The following DYNC2LI1 variants were observed in gnomAD, a reference collection of about 807,000 sequenced individuals.
DYNC2LI1 encodes the protein dynein cytoplasmic 2 light intermediate chain 1, also known as cytoplasmic dynein 2 light intermediate chain 1.
A neutral mutation model predicts 51.9 loss-of-function variants in DYNC2LI1; 45 were observed. The ratio of observed to expected loss-of-function variants is 0.87; its 90% CI spans 0.68 to 1.11. The LOEUF (loss-of-function observed/expected upper bound fraction) is 1.11, where lower values mean the gene tolerates loss of function less well. Among genes scored for constraint, DYNC2LI1 ranks in the 50% most tolerant of loss-of-function variants. The pLI, the probability that DYNC2LI1 is intolerant of heterozygous loss-of-function variation, is 0.00. For synonymous variants in DYNC2LI1, 130 were observed against 137.8 expected, an observed-to-expected ratio of 0.94 and a Z score of 0.40; for missense variants, 490 against 417.4, an observed-to-expected ratio of 1.17 and a Z score of -1.51.
chr2:43,821,880 CT>C, the DYNC2LI1 span, among the ~76,000 whole-genome samples: 12 of 152,122 alleles, frequency 7.9e-5, no homozygotes, highest in African/African-American at 2.7e-4. Flanking sequence ...CTCTCTCCCC[CT>C]CTCTTCCCGC....
chr2:43,816,808 G>C, the DYNC2LI1 span, among the ~76,000 whole-genome samples: 1 of 152,138 alleles, frequency 6.6e-6, no homozygotes, highest in Non-Finnish European at 1.5e-5. Flanking sequence ...TAAAATTCTA[G>C]CAAGAACTAC....
intron 1 of DYNC2LI1, chr2:43,775,768 A>G (rs546248831): frequency 1.9e-5 from 7 of 366,742 alleles, no homozygotes; most frequent in Non-Finnish European, 3.2e-5. Flanking sequence ...GCTCAATACA[A>G]CATCCACCTC....
At chr2:43,806,341 G>A (rs1572723260) in intron 12 of DYNC2LI1, among the ~76,000 whole-genome samples, 1 of 152,194 alleles carries the variant, frequency 6.6e-6, no homozygotes, top group South Asian at 2.1e-4. Context: ...GTTGTTGCGA[G>A]GGTAACCTGA....
intron 4 of DYNC2LI1, among the ~76,000 whole-genome samples, chr2:43,788,162 A>T (rs1411269685): frequency 6.6e-6 from 1 of 152,194 alleles, no homozygotes; most frequent in Admixed American, 6.5e-5. Context: ...AACTTTTGAG[A>T]AGAGCTCTAA....
chr2:43,827,832 A>G, the DYNC2LI1 span: 1 of 1,259,252 alleles, frequency 7.9e-7, no homozygotes, highest in Non-Finnish European at 1.1e-6. Context: ...GCATTTCCAA[A>G]AAAACTGGGT....
At chr2:43,815,076 C>A in the DYNC2LI1 span, among the ~76,000 whole-genome samples, 2,019 of 152,196 alleles carry the variant, frequency 0.013, 37 homozygotes, top group African/African-American at 0.045. Flanking sequence ...TAACACATAC[C>A]AATTGGAGGA....
the DYNC2LI1 span, among the ~76,000 whole-genome samples, chr2:43,820,715 G>A: frequency 2.9e-4 from 44 of 152,234 alleles, no homozygotes; most frequent in East Asian, 4.2e-3. Context: ...GTGCAGTGGC[G>A]TGATCTTGGC....
rs1003803311 is a variant in DYNC2LI1 at position 43,774,159 on chromosome 2, C to G, written c.8+13C>G. On this transcript the variant is annotated intron_variant, in intron 1 of 12. Transcript: ENST00000260605. ...CGACGATGCCCAGGTATTCCCTGAACCCGGCTTGCGTGGGAAAGGCTACTG... is the reference window on the plus strand; with the variant it reads ...CGACGATGCCCAGGTATTCCCTGAAGCCGGCTTGCGTGGGAAAGGCTACTG... The G allele has an allele frequency of 6.2e-7, 1 of 1,613,780 alleles. No individual in the cohort carries two copies. The highest frequency in any genetic ancestry group is 1.3e-5 in the African/African-American group (1 of 74,924).
Position 43,809,854 on chromosome 2 carries a change from A to G in DYNC2LI1, c.*87A>G. The G allele has an allele frequency of 6.6e-7, 1 of 1,505,382 alleles. No homozygotes were observed. The highest frequency in any genetic ancestry group is 8.9e-7 in the Non-Finnish European group (1 of 1,129,038). 93.3% of individuals were successfully genotyped at this position (1,505,382 alleles called of 1,614,324 possible). On this transcript the variant is annotated 3_prime_UTR_variant, in exon 13 of 13. Transcript: ENST00000260605. Reference sequence around the variant, plus strand: ...GAATTAACTATTGTGGCAATATGTGAAGAAAGTTAAACTGTATAATTTGTT... The same window carrying G: ...GAATTAACTATTGTGGCAATATGTGGAGAAAGTTAAACTGTATAATTTGTT...
intron 10 of DYNC2LI1, 47 bp downstream of exon 10, chr2:43,801,756 T>G (rs1363598134): frequency 7.0e-7 from 1 of 1,436,212 alleles, no homozygotes; most frequent in African/African-American, 1.4e-5. Context: ...AATTGCTTAT[T>G]GATTTTGTCC....
intron 12 of DYNC2LI1, among the ~76,000 whole-genome samples, chr2:43,806,193 A>G (rs1209360146): frequency 1.3e-5 from 2 of 152,178 alleles, no homozygotes; most frequent in Non-Finnish European, 2.9e-5. Context: ...AGATTTTTCT[A>G]AAAACAAACA....
At chr2:43,780,768 G>C (rs1673240544) in intron 2 of DYNC2LI1, among the ~76,000 whole-genome samples, 1 of 152,086 alleles carries the variant, frequency 6.6e-6, no homozygotes, top group South Asian at 2.1e-4. Flanking sequence ...AGGAAATTCA[G>C]AGTTCCAGGG....
chr2:43,821,678 C>G, the DYNC2LI1 span, among the ~76,000 whole-genome samples: 1 of 152,140 alleles, frequency 6.6e-6, no homozygotes, highest in East Asian at 1.9e-4. Context: ...CCTCAGCTGG[C>G]CCCTGGACCC....
chr2:43,812,319 C>A, downstream of DYNC2LI1, among the ~76,000 whole-genome samples: 1 of 115,284 alleles, frequency 8.7e-6, no homozygotes, highest in Non-Finnish European at 1.9e-5. Context: ...ACTTGTAATT[C>A]TTTTTTTTTT....
At chr2:43,796,640 T>C (rs749646120) in intron 7 of DYNC2LI1, 78 bp from the exon 8 acceptor site, 3 of 1,039,724 alleles carry the variant, frequency 2.9e-6, no homozygotes, top group South Asian at 1.4e-5. Flanking sequence ...AAATAATCTA[T>C]TCTACATTTA....
chr2:43,796,056 AT>A, intron 7 of DYNC2LI1, 98 bp downstream of exon 7: 1 of 878,448 alleles, frequency 1.1e-6, no homozygotes, highest in East Asian at 2.7e-5. Context: ...AAAAATAATT[AT>A]TGAAGGAATC....
downstream of DYNC2LI1, chr2:43,813,199 G>C (rs774651183): frequency 6.2e-7 from 1 of 1,603,982 alleles, no homozygotes; most frequent in South Asian, 1.1e-5. Flanking sequence ...TACAAAATCA[G>C]AAAGTTCATT....
chr2:43,782,014 T>C (rs1169443878), intron 2 of DYNC2LI1, among the ~76,000 whole-genome samples: 2 of 141,244 alleles, frequency 1.4e-5, no homozygotes, highest in East Asian at 4.0e-4. Flanking sequence ...TCTGTCTATG[T>C]GTGTGTGTGT....
the DYNC2LI1 span, chr2:43,823,767 T>C: frequency 1.2e-6 from 1 of 854,842 alleles, no homozygotes; most frequent in Non-Finnish European, 1.8e-6. Context: ...AACTCAATAG[T>C]TGCCTTTCCC....
Sources: gnomAD v4.1 joint callset for allele counts (sites outside exome capture counted in the v4.1 genomes callset) on GRCh38, gnomAD v4.1.1 for gene constraint, MANE v1.5 for transcripts, NCBI Gene and HGNC (gene_info 2026-07-23, HGNC 2026-07-21) for gene names.